Variants in TENM4 observed in about 807,000 individuals in gnomAD.
TENM4 encodes teneurin-4.
In TENM4, 82 loss-of-function variants were observed where a neutral mutation model predicts 243.3. The ratio of observed to expected loss-of-function variants is 0.34; its 90% CI spans 0.28 to 0.40. The LOEUF (loss-of-function observed/expected upper bound fraction) is 0.40, where lower values mean the gene tolerates loss of function less well. TENM4 is among the 10% of genes least tolerant of loss of function. The pLI, the probability that TENM4 is intolerant of heterozygous loss-of-function variation, is 1.00. For synonymous variants in TENM4, 1,412 were observed against 1,456.3 expected, an observed-to-expected ratio of 0.97 and a Z score of 0.69; for missense variants, 3,138 against 3,673.3, an observed-to-expected ratio of 0.85 and a Z score of 3.77.
At chr11:79,215,657 TG>T in intron 3 of TENM4, 150 bp downstream of exon 3, 1 of 674,236 alleles carries the variant, frequency 1.5e-6, no homozygotes, top group Non-Finnish European at 1.8e-6. Context: ...ACCTTTACTC[TG>T]GCCAGAACTC....
intron 9 of TENM4, among the ~76,000 whole-genome samples, chr11:78,872,664 C>A (rs1190996499): frequency 6.6e-6 from 1 of 152,180 alleles, no homozygotes; most frequent in Non-Finnish European, 1.5e-5. Context: ...TCAAATGAGG[C>A]AGGAAAGAGA....
At chr11:78,944,775 A>G (rs1203468512) in intron 6 of TENM4, among the ~76,000 whole-genome samples, 1 of 152,196 alleles carries the variant, frequency 6.6e-6, no homozygotes, top group Non-Finnish European at 1.5e-5. Context: ...AGCACACTGT[A>G]TCTTCACTTC....
At chr11:78,719,734 G>A (rs1859602678) in intron 25 of TENM4, among the ~76,000 whole-genome samples, 1 of 152,228 alleles carries the variant, frequency 6.6e-6, no homozygotes. Context: ...AGGTGATGCT[G>A]ACAGGCAGAC....
intron 10 of TENM4, among the ~76,000 whole-genome samples, chr11:78,860,574 G>A (rs1319569550): frequency 6.6e-6 from 1 of 152,222 alleles, no homozygotes; most frequent in Non-Finnish European, 1.5e-5. Context: ...TCTGCATTGA[G>A]ATATATCTAG....
At chr11:79,207,538 C>T (rs910956097) in intron 3 of TENM4, among the ~76,000 whole-genome samples, 1 of 152,064 alleles carries the variant, frequency 6.6e-6, no homozygotes, top group African/African-American at 2.4e-5. Context: ...AGCCTGAGCT[C>T]CCTGCCATCT....
intron 4 of TENM4, among the ~76,000 whole-genome samples, chr11:79,094,696 C>T (rs1374919824): frequency 6.6e-6 from 1 of 152,188 alleles, no homozygotes; most frequent in Non-Finnish European, 1.5e-5. Flanking sequence ...TCCTGGGCCT[C>T]CTCTCCCAGG....
At chr11:78,797,803 G>C (rs970826801) in intron 15 of TENM4, among the ~76,000 whole-genome samples, 2 of 152,204 alleles carry the variant, frequency 1.3e-5, no homozygotes, top group East Asian at 3.8e-4. Context: ...ATCACTTGCT[G>C]TTGGGAAGGG....
chr11:78,753,411 C>G (rs756532683), intron 19 of TENM4, among the ~76,000 whole-genome samples: 1 of 152,208 alleles, frequency 6.6e-6, no homozygotes, highest in East Asian at 1.9e-4. Context: ...TACCAAACTC[C>G]CTCATATGAG....
chr11:78,697,415 A>T (rs867084451), intron 28 of TENM4, among the ~76,000 whole-genome samples: 1 of 152,074 alleles, frequency 6.6e-6, no homozygotes, highest in Admixed American at 6.5e-5. Context: ...GCTTATTTTC[A>T]TGATAAGGTT....
intron 12 of TENM4, among the ~76,000 whole-genome samples, chr11:78,826,254 A>G (rs1857848102): frequency 6.6e-6 from 1 of 151,658 alleles, no homozygotes; most frequent in Non-Finnish European, 1.5e-5. Context: ...CGCCTGGCTA[A>G]TTTTTTGTAT....
intron 1 of TENM4, among the ~76,000 whole-genome samples, chr11:79,372,554 A>T (rs1857808376): frequency 6.6e-6 from 1 of 152,202 alleles, no homozygotes; most frequent in Non-Finnish European, 1.5e-5. Flanking sequence ...GCTCAGAGCC[A>T]ATAATGTCAG....
intron 3 of TENM4, among the ~76,000 whole-genome samples, chr11:79,203,078 G>A (rs902066612): frequency 1.3e-5 from 2 of 152,010 alleles, no homozygotes; most frequent in African/African-American, 2.4e-5. Flanking sequence ...CAGGTTGCCT[G>A]ATTCAAAAGC....
chr11:78,964,584 C>T (rs552533710), intron 6 of TENM4, among the ~76,000 whole-genome samples: 2 of 152,324 alleles, frequency 1.3e-5, no homozygotes, highest in South Asian at 2.1e-4. Context: ...ATTCCCGATT[C>T]ACCTTGAGAG....
chr11:78,758,820 T>A (rs1713202406), intron 18 of TENM4, among the ~76,000 whole-genome samples: 1 of 152,208 alleles, frequency 6.6e-6, no homozygotes, highest in Admixed American at 6.5e-5. Flanking sequence ...AGAGATAGAC[T>A]GTCTGGGGTC....
At chr11:79,179,137 T>A (rs1319319296) in intron 3 of TENM4, among the ~76,000 whole-genome samples, 1 of 152,212 alleles carries the variant, frequency 6.6e-6, no homozygotes, top group African/African-American at 2.4e-5. Context: ...TTTGTACATT[T>A]TGGAAGAAGC....
intron 4 of TENM4, among the ~76,000 whole-genome samples, chr11:79,138,744 C>A (rs1388618924): frequency 9.5e-6 from 1 of 105,652 alleles, no homozygotes; most frequent in African/African-American, 3.9e-5. Flanking sequence ...ATACATAAAA[C>A]ATACATTATA....
At chr11:78,818,467 C>T (rs1857656100) in intron 12 of TENM4, among the ~76,000 whole-genome samples, 1 of 152,076 alleles carries the variant, frequency 6.6e-6, no homozygotes, top group Non-Finnish European at 1.5e-5. Flanking sequence ...TTAGAGAAGG[C>T]AGAAGTTTTG....
chr11:79,423,800 C>T (rs1005416906), intron 1 of TENM4, among the ~76,000 whole-genome samples: 3 of 152,008 alleles, frequency 2.0e-5, no homozygotes, highest in Admixed American at 6.6e-5. Context: ...TGAGAGGAGG[C>T]CTGCAAGGGT....
intron 2 of TENM4, among the ~76,000 whole-genome samples, chr11:79,284,143 A>G (rs1856207379): frequency 6.6e-6 from 1 of 152,226 alleles, no homozygotes; most frequent in Non-Finnish European, 1.5e-5. Flanking sequence ...ATTTATTTAT[A>G]GATTTAATGT....
Sources: gnomAD v4.1 joint callset for allele counts (sites outside exome capture counted in the v4.1 genomes callset) on GRCh38, gnomAD v4.1.1 for gene constraint, MANE v1.5 for transcripts, NCBI Gene and HGNC (gene_info 2026-07-23, HGNC 2026-07-21) for gene names.